The following LHFPL3 variants were observed in gnomAD, a reference collection of about 807,000 sequenced individuals.
LHFPL3 encodes LHFPL tetraspan subfamily member 3.
In LHFPL3, 5 loss-of-function variants were observed where a neutral mutation model predicts 19.3. That is an observed-to-expected ratio of 0.26 (90% CI 0.14 to 0.54). The LOEUF (loss-of-function observed/expected upper bound fraction) is 0.54. LHFPL3 is among the 20% of genes least tolerant of loss of function. LHFPL3 has a pLI of 0.94. For synonymous variants in LHFPL3, 133 were observed against 126.2 expected (o/e 1.05, Z -0.36); for missense variants, 249 against 307.4 (o/e 0.81, Z 1.42).
chr7:104,833,935 G>T (rs1230440990), intron 2 of LHFPL3, among the ~76,000 whole-genome samples: 1 of 125,110 alleles, frequency 8.0e-6, no homozygotes, highest in Non-Finnish European at 1.7e-5. Context: ...ATGATCACAA[G>T]TTCCCACAAT....
chr7:104,700,490 G>A (rs1793083388), intron 1 of LHFPL3, among the ~76,000 whole-genome samples: 1 of 152,150 alleles, frequency 6.6e-6, no homozygotes, highest in South Asian at 2.1e-4. Context: ...GAGTGCATGT[G>A]ACTTCCTATA....
At chr7:104,558,515 T>C (rs1426911937) in intron 1 of LHFPL3, among the ~76,000 whole-genome samples, 2 of 152,134 alleles carry the variant, frequency 1.3e-5, no homozygotes, top group African/African-American at 4.8e-5. Context: ...CGCCCACTTT[T>C]TGATGGGGTT....
At chr7:104,780,490 T>C (rs1353366262) in intron 2 of LHFPL3, among the ~76,000 whole-genome samples, 1 of 152,136 alleles carries the variant, frequency 6.6e-6, no homozygotes. Flanking sequence ...ACAGTATACT[T>C]CTTGGTCTCT....
At chr7:104,456,121 T>C (rs1303726310) in intron 1 of LHFPL3, among the ~76,000 whole-genome samples, 2 of 152,216 alleles carry the variant, frequency 1.3e-5, no homozygotes, top group African/African-American at 2.4e-5. Flanking sequence ...TGCAATCTTA[T>C]GTACTCTACA....
Position 104,736,841 on chromosome 7 carries a change from A to G in LHFPL3, c.612A>G (p.Ser204=), listed in dbSNP as rs1269166219. 6.2e-7 allele frequency: 1 copy of G among 1,612,662 alleles called. No individual in the cohort carries two copies. The highest frequency in any genetic ancestry group is 1.7e-5 in the Admixed American group (1 of 59,822). The change falls in exon 2 of 3, where the codon TCA becomes TCG. Residue 204 remains serine, a synonymous_variant. Coordinates refer to ENST00000424859, the MANE Select transcript of LHFPL3 (RefSeq NM_199000.3). ...GAATTTTGGATGCCCTGATCCTCTC[A>G]TTTCTAGCATTTGTGCTTGGTAATC... ...IIGILDALIL[S]FLAFVLGNRQ...
intron 1 of LHFPL3, among the ~76,000 whole-genome samples, chr7:104,683,790 A>T (rs1458751654): frequency 5.3e-5 from 8 of 152,214 alleles, no homozygotes; most frequent in Admixed American, 4.6e-4. Context: ...CTATAATTTG[A>T]TTTGGTCAGA....
intron 1 of LHFPL3, among the ~76,000 whole-genome samples, chr7:104,451,319 T>A (rs1584328435): frequency 6.6e-6 from 1 of 152,184 alleles, no homozygotes; most frequent in East Asian, 1.9e-4. Flanking sequence ...GGCTGCCATG[T>A]TCGAGGTTAA....
At chr7:104,592,376 T>C (rs981700611) in intron 1 of LHFPL3, among the ~76,000 whole-genome samples, 10 of 150,944 alleles carry the variant, frequency 6.6e-5, no homozygotes, top group African/African-American at 2.2e-4. Context: ...TGTTGGAGTT[T>C]GCTGGACGTC....
intron 1 of LHFPL3, among the ~76,000 whole-genome samples, chr7:104,546,028 A>T (rs771232703): frequency 6.6e-6 from 1 of 152,194 alleles, no homozygotes; most frequent in Non-Finnish European, 1.5e-5. Context: ...AGATCTTACA[A>T]ATAATAGTTG....
rs569868923 is a variant in LHFPL3 at position 104,704,362 on chromosome 7, T to C, written c.446-32313T>C. 1.7e-4 allele frequency among the ~76,000 whole-genome samples: 26 copies of C among 152,344 alleles called. 1 individual carries two copies. In the South Asian group the frequency reaches 3.1e-3, roughly 18 times the overall value. ...ATTTTCCCTTTTAGTATGTGTTTTGTCTCAAAACTTGATAACATATTAACC... is the reference window on the plus strand; with the variant it reads ...ATTTTCCCTTTTAGTATGTGTTTTGCCTCAAAACTTGATAACATATTAACC... On this transcript the variant is annotated intron_variant, in intron 1 of 2. Transcript: ENST00000424859.
chr7:104,902,700 C>T (rs1457559425), intron 2 of LHFPL3, among the ~76,000 whole-genome samples: 4 of 152,102 alleles, frequency 2.6e-5, no homozygotes, highest in Admixed American at 6.5e-5. Flanking sequence ...GCAGGAGAAT[C>T]GCTTGAACCA....
chr7:104,411,136 G>T lies in LHFPL3; in HGVS notation c.445+81912G>T, dbSNP rs778831650. On this transcript the variant is annotated intron_variant, in intron 1 of 2. Coordinates refer to ENST00000424859, the MANE Select transcript of LHFPL3 (RefSeq NM_199000.3). ...TAATATGAGTTTAGTTGTATGGAACGTGTTGTAACTGCTCTCTGCTTGCTG... is the reference window on the plus strand; with the variant it reads ...TAATATGAGTTTAGTTGTATGGAACTTGTTGTAACTGCTCTCTGCTTGCTG... Among the ~76,000 whole-genome samples the T allele has an allele frequency of 5.9e-5, 9 of 152,176 alleles. 1 individual carries two copies. The highest frequency in any genetic ancestry group is 1.7e-4 in the African/African-American group (7 of 41,442).
intron 1 of LHFPL3, among the ~76,000 whole-genome samples, chr7:104,572,068 T>G (rs1007381018): frequency 1.3e-5 from 2 of 152,238 alleles, no homozygotes; most frequent in African/African-American, 2.4e-5. Flanking sequence ...GTGAACTATT[T>G]TGTTCTTTTC....
chr7:104,653,999 T>C (rs932825983), intron 1 of LHFPL3, among the ~76,000 whole-genome samples: 3 of 152,182 alleles, frequency 2.0e-5, no homozygotes, highest in Non-Finnish European at 2.9e-5. Context: ...TGCATGACAA[T>C]GCTCACATTA....
chr7:104,642,758 C>T (rs1252713286), intron 1 of LHFPL3, among the ~76,000 whole-genome samples: 1 of 152,210 alleles, frequency 6.6e-6, no homozygotes, highest in Non-Finnish European at 1.5e-5. Context: ...GAGCATCAGG[C>T]TTCCATCTGC....
At chr7:104,591,554 C>T (rs1790723208) in intron 1 of LHFPL3, among the ~76,000 whole-genome samples, 1 of 152,160 alleles carries the variant, frequency 6.6e-6, no homozygotes. Context: ...AACATTTTTT[C>T]CTTCATTTCA....
At chr7:104,806,233 G>A (rs1337819536) in intron 2 of LHFPL3, among the ~76,000 whole-genome samples, 6 of 152,150 alleles carry the variant, frequency 3.9e-5, no homozygotes. Flanking sequence ...AAAGCATAAT[G>A]CTTTCATTCA....
intron 1 of LHFPL3, among the ~76,000 whole-genome samples, chr7:104,642,240 C>T (rs1226343642): frequency 6.6e-6 from 1 of 151,772 alleles, no homozygotes; most frequent in Non-Finnish European, 1.5e-5. Context: ...GTTTCAGCAT[C>T]TTGGCCAGAC....
At chr7:104,562,579 T>G (rs1395478957) in intron 1 of LHFPL3, among the ~76,000 whole-genome samples, 1 of 152,016 alleles carries the variant, frequency 6.6e-6, no homozygotes. Context: ...TAGTTATACA[T>G]TCTTCTAAAT....
Sources: gnomAD v4.1 joint callset for allele counts (sites outside exome capture counted in the v4.1 genomes callset) on GRCh38, gnomAD v4.1.1 for gene constraint, MANE v1.5 for transcripts, NCBI Gene and HGNC (gene_info 2026-07-23, HGNC 2026-07-21) for gene names.